GRID2IP: variants seen among roughly 807,000 people sequenced by gnomAD.
The protein encoded by GRID2IP is delphilin.
GRID2IP carries 78 observed loss-of-function variants against 114.3 expected under a neutral mutation model. The ratio of observed to expected loss-of-function variants is 0.68; its 90% confidence interval spans 0.57 to 0.82. The LOEUF is 0.82. Ranked by LOEUF, GRID2IP falls within the 40% of genes least tolerant of loss-of-function variation. GRID2IP has a pLI of 0.00. For missense variants in GRID2IP, 1,727 were observed against 1,678.5 expected, an observed-to-expected ratio of 1.03 and a Z score of -0.51; for synonymous variants, 809 against 724.0, an observed-to-expected ratio of 1.12 and a Z score of -1.89.
Position 6,506,404 on chromosome 7 carries a change from G to A in GRID2IP, c.2545-497C>T, listed in dbSNP as rs1274844882. On this transcript the variant is annotated intron_variant, in intron 13 of 21. Transcript: ENST00000457091. The surrounding 1 kb of genome is among the most constrained non-coding windows in gnomAD (Gnocchi z 5.2). ...AGATGAGAGGTAACAGCCTGGGGCT[G>A]GGGCAGGGAGTGCGGACGGGGTGGC... Among the ~76,000 whole-genome samples the A allele has an allele frequency of 6.6e-6, 1 of 152,218 alleles. No homozygotes were observed. The highest frequency in any genetic ancestry group is 2.4e-5 in the African/African-American group (1 of 41,454).
chr7:6,518,186 C>T (rs1454921820), intron 7 of GRID2IP, among the ~76,000 whole-genome samples: 2 of 152,052 alleles, frequency 1.3e-5, no homozygotes, highest in East Asian at 1.9e-4. Flanking sequence ...GCTGTGTTTG[C>T]ACCACTGCAC....
intron 2 of GRID2IP, among the ~76,000 whole-genome samples, chr7:6,537,101 T>A (rs964391316): frequency 2.0e-5 from 3 of 151,762 alleles, no homozygotes; most frequent in Admixed American, 2.0e-4. Flanking sequence ...CCCGGCGGGA[T>A]CCGGGGAGGG....
chr7:6,514,575 C>A, intron 7 of GRID2IP, 46 bp from the exon 8 acceptor site: 5 of 1,438,612 alleles, frequency 3.5e-6, no homozygotes, highest in Non-Finnish European at 4.6e-6. Flanking sequence ...CACGGGCTTA[C>A]CATGATGCAC....
In GRID2IP at chr7:6,526,653, C is replaced by A. The variant is rs1180525611; in HGVS notation, c.701G>T (p.Arg234Leu). ...GAGGCGCTCCGGCCGCTCCTCGCTG[C>A]GGCTCCGGCGCAGTCGCTGCGCGCC... ...AQGAQRLRRSRSEERPERLLV... is the reference protein window; with the variant it reads ...AQGAQRLRRSLSEERPERLLV... The change falls in exon 3 of 22, where the codon CGC becomes CTC. Residue 234 changes from arginine (R) to leucine (L), a missense_variant. Transcript: ENST00000457091. The surrounding 1 kb of genome is among the most constrained non-coding windows in gnomAD (Gnocchi z 7.6). 1.4e-6 allele frequency: 2 copies of A among 1,418,082 alleles called. No homozygotes were observed. The highest frequency in any genetic ancestry group is 1.4e-5 in the South Asian group (1 of 71,742). 87.8% of individuals were successfully genotyped at this position (1,418,082 alleles called of 1,614,324 possible).
At position 6,508,879 on chromosome 7, in the gene GRID2IP, G is replaced by T; in HGVS notation, c.2127+79C>A. 2 of 1,483,464 alleles carry T rather than the reference G, an allele frequency of 1.3e-6. No homozygotes were observed. The allele number at this position is 1,483,464 out of a possible 1,614,324, so 91.9% of individuals were successfully genotyped here. ...CCCAAGGGCAGCAGGCCCCTTGCGG[G>T]AGCCCAGGAACACTGTTGCCTTGCA... On this transcript the variant is annotated intron_variant, in intron 12 of 21. Transcript: ENST00000457091. This position sits in a 1 kb window ranked among gnomAD's most constrained non-coding sequence, Gnocchi z 5.6.
chr7:6,531,089 TG>T, intron 2 of GRID2IP: 1 of 587,026 alleles, frequency 1.7e-6, no homozygotes, highest in Non-Finnish European at 3.0e-6. Flanking sequence ...AGAGAAGCCC[TG>T]GTCCTTCCCC....
chr7:6,510,329 G>C lies in GRID2IP; in HGVS notation c.1725C>G (p.Ser575=), dbSNP rs1786736022. The C allele has an allele frequency of 6.5e-7, 1 of 1,547,588 alleles. No homozygotes were observed. Among genetic ancestry groups the C allele is most frequent in the Middle Eastern group, 1.7e-4 (1 of 5,972 alleles). Residue 575 remains serine (S), a synonymous_variant, in exon 11 of 22, where the codon TCC becomes TCG. Coordinates refer to ENST00000457091, the MANE Select transcript of GRID2IP (RefSeq NM_001145118.2). ...GGCCTGGAGGGGAAGCCCGGGATTTGGACACGGTCCCCATCTTCCCTTTGA... is the reference window on the plus strand; with the variant it reads ...GGCCTGGAGGGGAAGCCCGGGATTTCGACACGGTCCCCATCTTCCCTTTGA... ...SSFKGKMGTV[S]KSRASPPGPS... is the part of the protein sequence containing the mutation.
chr7:6,525,936 A>C (rs1438252081), intron 4 of GRID2IP, among the ~76,000 whole-genome samples: 1 of 152,160 alleles, frequency 6.6e-6, no homozygotes, highest in Non-Finnish European at 1.5e-5. Context: ...CTGGATGCAG[A>C]ACCTGGTTCC....
At chr7:6,500,153 A>C (rs765984128) in intron 20 of GRID2IP, among the ~76,000 whole-genome samples, 71 of 151,346 alleles carry the variant, frequency 4.7e-4, no homozygotes, top group Non-Finnish European at 4.4e-4. Context: ...AAACAGCCTC[A>C]GTTTTCACAT....
chr7:6,500,755 C>T (rs1436563670), intron 20 of GRID2IP, among the ~76,000 whole-genome samples: 1 of 152,248 alleles, frequency 6.6e-6, no homozygotes, highest in African/African-American at 2.4e-5. Context: ...ACCCTGTGTT[C>T]CCTGCCAAGG....
chr7:6,531,171 A>AGCGC (rs1307900540), intron 2 of GRID2IP: 32 of 483,162 alleles, frequency 6.6e-5, no homozygotes, highest in Non-Finnish European at 1.0e-4. Context: ...GAATGGAGCG[A>AGCGC]GCGCGCCGCG....
intron 4 of GRID2IP, among the ~76,000 whole-genome samples, chr7:6,522,881 A>G (rs1440148134): frequency 1.3e-5 from 2 of 151,686 alleles, no homozygotes; most frequent in African/African-American, 4.8e-5. Flanking sequence ...TGCCCAGGCT[A>G]GTCTCGAACT....
At chr7:6,503,265 G>T in intron 16 of GRID2IP, 102 bp from the exon 17 acceptor site, 2 of 1,184,916 alleles carry the variant, frequency 1.7e-6, no homozygotes, top group Non-Finnish European at 2.3e-6. Context: ...GGCTGCTTCG[G>T]CCCGATATTC....
intron 8 of GRID2IP, 58 bp downstream of exon 8, chr7:6,514,317 G>A: frequency 7.2e-7 from 1 of 1,382,462 alleles, no homozygotes; most frequent in Non-Finnish European, 9.6e-7. Context: ...CTGTTCACCT[G>A]GTGAGCTGGA....
Position 6,516,631 on chromosome 7 carries a change from C to G in GRID2IP, c.1269-2102G>C, listed in dbSNP as rs934281455. 2.2e-4 allele frequency among the ~76,000 whole-genome samples: 33 copies of G among 152,016 alleles called. No individual in the cohort carries two copies. Among genetic ancestry groups the G allele is most frequent in the Non-Finnish European group, 4.7e-4 (32 of 68,010 alleles). Reference sequence around the variant, plus strand: ...AGACTCTGCTCCACCACTGCTTGCCCGCCCGCAGCCACCCAGAGGCCTAAC... The same window carrying G: ...AGACTCTGCTCCACCACTGCTTGCCGGCCCGCAGCCACCCAGAGGCCTAAC... On this transcript the variant is annotated intron_variant, in intron 7 of 21. Coordinates refer to ENST00000457091, the MANE Select transcript of GRID2IP (RefSeq NM_001145118.2). This position sits in a 1 kb window ranked among gnomAD's most constrained non-coding sequence, Gnocchi z 4.3.
chr7:6,521,827 A>C lies in GRID2IP; in HGVS notation c.989+61T>G. On this transcript the variant is annotated intron_variant, in intron 5 of 21. Coordinates refer to ENST00000457091, the MANE Select transcript of GRID2IP (RefSeq NM_001145118.2). This position sits in a 1 kb window ranked among gnomAD's most constrained non-coding sequence, Gnocchi z 4.1. The stretch of plus-strand genomic sequence containing the variant: ...CAGCCTGGGTGCCCCAAGAGGCAGG[A>C]GTCTTGCAGGGGGTGGGGGCAGCTC... 3 of 1,261,412 alleles carry C rather than the reference A, an allele frequency of 2.4e-6. No individual in the cohort carries two copies. The highest frequency in any genetic ancestry group is 3.4e-6 in the Non-Finnish European group (3 of 884,738). The allele number at this position is 1,261,412 out of a possible 1,614,324, so 78.1% of individuals were successfully genotyped here. A position where few individuals can be genotyped will look rare whatever the true frequency, so the allele number is the denominator to read the frequency against.
At chr7:6,499,615 G>C (rs933312214) in intron 20 of GRID2IP, among the ~76,000 whole-genome samples, 14 of 152,036 alleles carry the variant, frequency 9.2e-5, no homozygotes, top group African/African-American at 3.4e-4. Context: ...ATGTCTAGTA[G>C]AGACAGGGTT....
In GRID2IP at chr7:6,528,243, A is replaced by G. The variant is rs549960151; in HGVS notation, c.585-1474T>C. Among the ~76,000 whole-genome samples the G allele has an allele frequency of 1.3e-5, 2 of 152,284 alleles. No individual in the cohort carries two copies. Among genetic ancestry groups the G allele is most frequent in the African/African-American group, 4.8e-5 (2 of 41,568 alleles). On this transcript the variant is annotated intron_variant, in intron 2 of 21. Transcript: ENST00000457091. This position sits in a 1 kb window ranked among gnomAD's most constrained non-coding sequence, Gnocchi z 6.0. ...TGTCTATAGTTCAATCCTGAGCCAC[A>G]GTGACTAGCCAGGGCTCAGCACATA...
chr7:6,546,962 C>T (rs1779898264), intron 1 of GRID2IP, among the ~76,000 whole-genome samples: 1 of 152,194 alleles, frequency 6.6e-6, no homozygotes. Context: ...GGTCTTCCCT[C>T]TTTCCTGGAC....
Sources: allele counts gnomAD v4.1 joint callset (sites outside exome capture counted in the v4.1 genomes callset), GRCh38; gene constraint gnomAD v4.1.1; non-coding constraint Gnocchi (gnomAD v3.1); transcripts MANE v1.5; gene names NCBI Gene and HGNC (gene_info 2026-07-23, HGNC 2026-07-21).